Variants in HMGN5 observed in about 807,000 individuals in gnomAD.
The protein encoded by HMGN5 is high mobility group nucleosome binding domain 5.
HMGN5 carries 4 observed loss-of-function variants against 9.5 expected under a neutral mutation model. The ratio of observed to expected loss-of-function variants is 0.42; its 90% confidence interval spans 0.21 to 0.96. The LOEUF is 0.96. Among genes scored for constraint, HMGN5 ranks in the 40% least tolerant of loss-of-function variants. HMGN5 has a pLI of 0.30. For synonymous variants in HMGN5, 55 were observed against 57.1 expected, an observed-to-expected ratio of 0.96 and a Z score of 0.16; for missense variants, 192 against 187.5, an observed-to-expected ratio of 1.02 and a Z score of -0.14.
At chrX:81,116,121 A>T in intron 6 of HMGN5, 83 bp downstream of exon 6, 1 of 741,124 alleles carries the variant, frequency 1.3e-6, no homozygotes, top group Non-Finnish European at 2.0e-6. Context: ...CCAACTTATA[A>T]ACTAAAAGGC....
At chrX:81,147,893 G>T (rs1335199667) in intron 1 of HMGN5, among the ~76,000 whole-genome samples, 1 of 111,351 alleles carries the variant, frequency 9.0e-6, no homozygotes, top group East Asian at 2.8e-4. Context: ...TTGCTACAAA[G>T]AGAATAAAAT....
At chrX:81,193,651 A>C (rs1469807964) in intron 1 of HMGN5, among the ~76,000 whole-genome samples, 1 of 112,153 alleles carries the variant, frequency 8.9e-6, no homozygotes, top group Non-Finnish European at 1.9e-5. Flanking sequence ...AAAAAGTATA[A>C]GATTGGAAGA....
At chrX:81,179,069 T>G (rs758700317) in intron 1 of HMGN5, among the ~76,000 whole-genome samples, 11 of 111,674 alleles carry the variant, frequency 9.9e-5, no homozygotes, top group African/African-American at 3.6e-4. Context: ...ATAAGAGCTA[T>G]TTATGACAAA....
intron 1 of HMGN5, among the ~76,000 whole-genome samples, chrX:81,126,375 T>G (rs962094312): frequency 1.8e-5 from 2 of 111,176 alleles, no homozygotes; most frequent in Non-Finnish European, 3.8e-5. Flanking sequence ...ATTCATTGGA[T>G]CCTCACTCAT....
chrX:81,149,704 G>A, intron 1 of HMGN5, among the ~76,000 whole-genome samples: 1 of 111,549 alleles, frequency 9.0e-6, no homozygotes, highest in Non-Finnish European at 1.9e-5. Flanking sequence ...GAACATAAAG[G>A]GATGGAAATA....
At chrX:81,128,426 A>T (rs1449503240) in intron 1 of HMGN5, among the ~76,000 whole-genome samples, 1 of 111,525 alleles carries the variant, frequency 9.0e-6, no homozygotes, top group African/African-American at 3.2e-5. Flanking sequence ...AGTGGAAATA[A>T]GATAATATTT....
chrX:81,174,963 G>A (rs1281640300), intron 1 of HMGN5, among the ~76,000 whole-genome samples: 1 of 111,042 alleles, frequency 9.0e-6, no homozygotes, highest in Non-Finnish European at 1.9e-5. Flanking sequence ...AGGTAGGGGG[G>A]AACAACTTAG....
At position 81,113,703 on chromosome X, in the gene HMGN5, G is replaced by T. The variant is rs1228927036; in HGVS notation, c.*946C>A. The stretch of plus-strand genomic sequence containing the variant: ...ATACCAAAGGCCACACACATATTAT[G>T]TGATTCCATTTATAATAAATGTTCA... On this transcript the variant is annotated 3_prime_UTR_variant, in exon 7 of 7. Transcript: ENST00000358130. 3 of 112,060 alleles carry T rather than the reference G, an allele frequency of 2.7e-5. No individual in the cohort carries two copies. Among genetic ancestry groups the T allele is most frequent in the African/African-American group, 9.7e-5 (3 of 30,782 alleles). 9.2% of individuals were successfully genotyped at this position (112,060 alleles called of 1,213,427 possible). A position where few individuals can be genotyped will look rare whatever the true frequency, so the allele number is the denominator to read the frequency against.
At chrX:81,124,023 T>C (rs959383868) in intron 1 of HMGN5, among the ~76,000 whole-genome samples, 5 of 112,020 alleles carry the variant, frequency 4.5e-5, no homozygotes, top group Non-Finnish European at 7.5e-5. Flanking sequence ...TGAGGAGCCT[T>C]GGAAGGTAAA....
intron 2 of HMGN5, among the ~76,000 whole-genome samples, chrX:81,121,031 A>G (rs1433829156): frequency 9.1e-6 from 1 of 109,416 alleles, no homozygotes; most frequent in Non-Finnish European, 1.9e-5. Flanking sequence ...TTGCATAGCC[A>G]TCTGGCCTGA....
chrX:81,148,785 G>GA (rs1225281826), intron 1 of HMGN5, among the ~76,000 whole-genome samples: 121 of 107,857 alleles, frequency 1.1e-3, no homozygotes, highest in African/African-American at 3.0e-3. Flanking sequence ...AAATTTACAA[G>GA]AAAAAAAAAC....
At chrX:81,152,903 C>A (rs191992698) in intron 1 of HMGN5, among the ~76,000 whole-genome samples, 11 of 103,334 alleles carry the variant, frequency 1.1e-4, no homozygotes, top group African/African-American at 3.9e-4. Context: ...AAACAAAAAA[C>A]CAAACACCAC....
At chrX:81,157,129 C>G (rs12390323) in intron 1 of HMGN5, among the ~76,000 whole-genome samples, 2,035 of 111,392 alleles carry the variant, frequency 0.018, 39 homozygotes, top group African/African-American at 0.063. Context: ...TATTAAGTTT[C>G]CCATTGCCTT....
intron 1 of HMGN5, among the ~76,000 whole-genome samples, chrX:81,150,844 T>A (rs1335808781): frequency 9.0e-6 from 1 of 111,663 alleles, no homozygotes; most frequent in Non-Finnish European, 1.9e-5. Flanking sequence ...TATGAGCAAC[T>A]ATATGCCAAT....
Position 81,121,472 on chromosome X carries a change from C to A in HMGN5, c.15+63G>T. ...AAAAAACCAAACAAACAAATAAATT[C>A]TTCCTATTAGGAAATAGGTAACTCA... On this transcript the variant is annotated intron_variant, in intron 2 of 6. Coordinates refer to ENST00000358130, the MANE Select transcript of HMGN5 (RefSeq NM_030763.3). 5.6e-6 allele frequency: 6 copies of A among 1,071,877 alleles called. No individual in the cohort carries two copies. The South Asian group carries it at 7.4e-5, about 13-fold the overall frequency. 88.3% of individuals were successfully genotyped at this position (1,071,877 alleles called of 1,213,427 possible).
chrX:81,128,447 G>T (rs2075290484), intron 1 of HMGN5, among the ~76,000 whole-genome samples: 1 of 111,167 alleles, frequency 9.0e-6, no homozygotes, highest in Non-Finnish European at 1.9e-5. Context: ...TTAAAAATAT[G>T]CTCTCTAAAT....
At chrX:81,118,386 GA>G (rs202232094) in intron 5 of HMGN5, 45 bp downstream of exon 5, 186 of 858,638 alleles carry the variant, frequency 2.2e-4, no homozygotes, top group Middle Eastern at 9.6e-4. Flanking sequence ...AATTATTTTT[GA>G]AAAAAAAAGC....
At chrX:81,160,251 T>C (rs1325557364) in intron 1 of HMGN5, among the ~76,000 whole-genome samples, 1 of 112,298 alleles carries the variant, frequency 8.9e-6, no homozygotes, top group Non-Finnish European at 1.9e-5. Flanking sequence ...ATAAGATCAA[T>C]AGAAATCCCA....
At chrX:81,177,367 CAAAAAAAAAAAAAAAA>C (rs148090852) in intron 1 of HMGN5, among the ~76,000 whole-genome samples, 2 of 10,664 alleles carry the variant, frequency 1.9e-4, no homozygotes, top group Admixed American at 2.0e-3. Context: ...AAATGGAAAG[CAAAAAAAAAAAAAAAA>C]AAAAAAAAAA....
Sources: allele counts gnomAD v4.1 joint callset (sites outside exome capture counted in the v4.1 genomes callset), GRCh38; gene constraint gnomAD v4.1.1; transcripts MANE v1.5; gene names NCBI Gene and HGNC (gene_info 2026-07-23, HGNC 2026-07-21).